The following PCDH15 variants were observed in gnomAD, a reference collection of about 807,000 sequenced individuals.
The protein encoded by PCDH15 is protocadherin related 15.
A neutral mutation model predicts 178.5 loss-of-function variants in PCDH15; 129 were observed. The ratio of observed to expected loss-of-function variants is 0.72; its 90% CI spans 0.63 to 0.84. PCDH15 has a LOEUF of 0.84. Ranked by LOEUF, PCDH15 falls within the 40% of genes least tolerant of loss-of-function variation. The pLI, the probability that PCDH15 is intolerant of heterozygous loss-of-function variation, is 0.00. For synonymous variants in PCDH15, 800 were observed against 732.0 expected (o/e 1.09, Z -1.50); for missense variants, 2,230 against 2,099.9 (o/e 1.06, Z -1.21).
chr10:54,069,517 A>G (rs973610136), intron 17 of PCDH15, among the ~76,000 whole-genome samples: 1 of 152,228 alleles, frequency 6.6e-6, no homozygotes, highest in Non-Finnish European at 1.5e-5. Context: ...CATGTCTTAC[A>G]GAAATGTACA....
At chr10:55,347,621 T>C (rs918614493) in intron 2 of PCDH15, among the ~76,000 whole-genome samples, 10 of 152,182 alleles carry the variant, frequency 6.6e-5, no homozygotes, top group Non-Finnish European at 1.2e-4. Context: ...CCCTAGGGCA[T>C]TGAGAATGCT....
chr10:54,494,955 G>A (rs1032513140), intron 3 of PCDH15, among the ~76,000 whole-genome samples: 2 of 152,040 alleles, frequency 1.3e-5, no homozygotes, highest in Non-Finnish European at 2.9e-5. Context: ...CTTTAGCATG[G>A]AGTTCATGCT....
chr10:54,226,479 C>A (rs1438467043), intron 9 of PCDH15, among the ~76,000 whole-genome samples: 2 of 152,138 alleles, frequency 1.3e-5, no homozygotes, highest in South Asian at 2.1e-4. Context: ...GCAGGCAGAT[C>A]ACCTGTGTCA....
intron 3 of PCDH15, among the ~76,000 whole-genome samples, chr10:54,820,749 G>T (rs1446514951): frequency 6.6e-6 from 1 of 151,872 alleles, no homozygotes; most frequent in Non-Finnish European, 1.5e-5. Context: ...ACTATTTTAA[G>T]ACCTAGGAAA....
chr10:53,806,661 T>C lies in PCDH15; in HGVS notation c.5141A>G (p.His1714Arg), dbSNP rs758654266. 32 of 1,613,778 alleles carry C rather than the reference T, an allele frequency of 2.0e-5. No individual in the cohort carries two copies. In the Admixed American group the frequency reaches 5.2e-4, roughly 26 times the overall value. The change falls in exon 38 of 38, where the codon CAT (histidine) becomes CGT (arginine). Residue 1714 changes from histidine (H) to arginine (R), a missense_variant. Coordinates refer to ENST00000644397, the MANE Select transcript of PCDH15 (RefSeq NM_001384140.1). ...ATCATCAGACTGTGTGTGGTCACTA[T>C]GAAATTCCAAAGCCTCCTTGATGTT... is the stretch of plus-strand genomic sequence containing the variant. ...SKNIKEALEF[H>R]SDHTQSDDEE...
chr10:55,350,469 A>C (rs1844896007), intron 2 of PCDH15, among the ~76,000 whole-genome samples: 1 of 151,708 alleles, frequency 6.6e-6, no homozygotes, highest in Non-Finnish European at 1.5e-5. Flanking sequence ...TTCAGAGCAG[A>C]GGGAAGATAG....
chr10:55,477,893 T>A (rs953398829), intron 2 of PCDH15, among the ~76,000 whole-genome samples: 2 of 151,818 alleles, frequency 1.3e-5, no homozygotes, highest in African/African-American at 4.8e-5. Context: ...ATAAAGTGGC[T>A]GAATAGATAA....
At chr10:54,069,868 CAT>C (rs1223181738) in intron 17 of PCDH15, among the ~76,000 whole-genome samples, 22 of 152,058 alleles carry the variant, frequency 1.4e-4, no homozygotes, top group Admixed American at 1.2e-3. Context: ...TTGTTAGGAC[CAT>C]ATGTCATTAA....
At chr10:54,248,572 G>A (rs2056205776) in intron 8 of PCDH15, among the ~76,000 whole-genome samples, 1 of 151,956 alleles carries the variant, frequency 6.6e-6, no homozygotes, top group Admixed American at 6.6e-5. Flanking sequence ...TCAAGCAGTA[G>A]AAAATAAATT....
intron 8 of PCDH15, among the ~76,000 whole-genome samples, chr10:54,295,951 C>T (rs1439442704): frequency 3.3e-4 from 50 of 150,362 alleles, no homozygotes; most frequent in African/African-American, 1.0e-3. Context: ...GAGACCATCC[C>T]GGCTAAAATG....
At chr10:54,753,189 T>G (rs77785833) in intron 1 of PCDH15, among the ~76,000 whole-genome samples, 13 of 147,352 alleles carry the variant, frequency 8.8e-5, no homozygotes, top group African/African-American at 1.3e-4. Context: ...AGAGACGTGA[T>G]TTTTTTTTTT....
intron 5 of PCDH15, among the ~76,000 whole-genome samples, chr10:54,359,842 C>T (rs11004254): frequency 1.3e-5 from 2 of 151,922 alleles, no homozygotes; most frequent in East Asian, 1.9e-4. Flanking sequence ...TATTTAAAAA[C>T]TCATTGTTTA....
chr10:55,293,416 G>A (rs147966274), intron 1 of PCDH15, among the ~76,000 whole-genome samples: 8 of 152,232 alleles, frequency 5.3e-5, no homozygotes, highest in South Asian at 2.1e-4. Context: ...ATTCAACTCC[G>A]TCTTACTTAT....
At chr10:55,462,626 C>T (rs1839703966) in intron 2 of PCDH15, among the ~76,000 whole-genome samples, 1 of 152,070 alleles carries the variant, frequency 6.6e-6, no homozygotes, top group South Asian at 2.1e-4. Flanking sequence ...TCGAGAAAGC[C>T]ATGTTCCTAT....
chr10:55,054,203 G>A (rs1051732263), intron 2 of PCDH15, among the ~76,000 whole-genome samples: 4 of 151,998 alleles, frequency 2.6e-5, no homozygotes, highest in East Asian at 3.9e-4. Context: ...AATAGACCCC[G>A]TGTCTTTTGT....
At chr10:53,866,517 T>C in intron 27 of PCDH15, 125 bp downstream of exon 27, 1 of 675,862 alleles carries the variant, frequency 1.5e-6, no homozygotes, top group Non-Finnish European at 2.7e-6. Context: ...ACAATCTGAG[T>C]GAAAATAATA....
intron 1 of PCDH15, among the ~76,000 whole-genome samples, chr10:55,178,084 C>T (rs1196719900): frequency 1.3e-5 from 2 of 152,160 alleles, no homozygotes; most frequent in African/African-American, 4.8e-5. Flanking sequence ...ATGCCAATAT[C>T]TGGAAAGAGA....
chr10:54,462,512 C>CTTTTTTTTTTTTTTTTT (rs562731025), intron 3 of PCDH15, among the ~76,000 whole-genome samples: 44 of 66,892 alleles, frequency 6.6e-4, no homozygotes, highest in African/African-American at 1.0e-3. Context: ...TTTTTCTTTT[C>CTTTTTTTTTTTTTTTTT]TTTTTTTTTT....
chr10:55,495,534 G>C (rs1029610680), intron 2 of PCDH15, among the ~76,000 whole-genome samples: 9 of 151,698 alleles, frequency 5.9e-5, no homozygotes, highest in Non-Finnish European at 1.3e-4. Context: ...TGAAACTCAA[G>C]ACAATGCTGA....
Sources: gnomAD v4.1 joint callset for allele counts (sites outside exome capture counted in the v4.1 genomes callset) on GRCh38, gnomAD v4.1.1 for gene constraint, MANE v1.5 for transcripts, NCBI Gene and HGNC (gene_info 2026-07-23, HGNC 2026-07-21) for gene names.